The following SALL3 variants were observed in gnomAD, a reference collection of about 807,000 sequenced individuals.
SALL3 encodes spalt like transcription factor 3.
Under a neutral mutation model 66.2 loss-of-function variants are expected in SALL3, and 25 were observed. The observed-to-expected ratio is 0.38, with a 90% CI of 0.28 to 0.53. The LOEUF is 0.53. Among genes scored for constraint, SALL3 ranks in the 20% least tolerant of loss-of-function variants. The pLI, the probability that SALL3 is intolerant of heterozygous loss-of-function variation, is 0.85. For synonymous variants in SALL3, 1,152 were observed against 899.1 expected (o/e 1.28, Z -5.03); for missense variants, 2,194 against 1,916.5 (o/e 1.14, Z -2.70).
intron 1 of SALL3, among the ~76,000 whole-genome samples, chr18:78,989,610 A>G (rs1914358416): frequency 6.6e-6 from 1 of 152,240 alleles, no homozygotes; most frequent in Non-Finnish European, 1.5e-5. Context: ...TTAATAAGAT[A>G]CACACTTTGT....
intron 1 of SALL3, among the ~76,000 whole-genome samples, chr18:78,987,834 C>T (rs1223052846): frequency 6.6e-6 from 1 of 152,208 alleles, no homozygotes; most frequent in Admixed American, 6.5e-5. Flanking sequence ...TTTTTCTTAA[C>T]TTGTTCTAAT....
chr18:78,990,483 T>C (rs1361711172), intron 1 of SALL3, among the ~76,000 whole-genome samples: 1 of 152,020 alleles, frequency 6.6e-6, no homozygotes, highest in Non-Finnish European at 1.5e-5. Context: ...AATATTTTTC[T>C]TTTCAAGTAG....
In SALL3 at chr18:78,995,155, G is replaced by C; in HGVS notation, c.3164G>C (p.Ser1055Thr). 1 of 1,613,484 alleles carries C rather than the reference G, an allele frequency of 6.2e-7. No individual in the cohort carries two copies. Among genetic ancestry groups the C allele is most frequent in the Non-Finnish European group, 8.5e-7 (1 of 1,180,016 alleles). ...CAAAGCACTCCTAGCCTGATCTCCA[G>C]CGCCGCACCCACCATGATCAAAATG... is the stretch of plus-strand genomic sequence containing the variant. Reference protein sequence around the residue: ...PSQSTPSLISSAAPTMIKMEV... With the variant: ...PSQSTPSLISTAAPTMIKMEV... The change falls in exon 2 of 3, where the codon AGC becomes ACC. Residue 1055 changes from serine to threonine, a missense_variant. Transcript: ENST00000537592.
chr18:78,995,018 C>T lies in SALL3; in HGVS notation c.3027C>T (p.Leu1009=). The change falls in exon 2 of 3, where the codon CTC becomes CTT. Residue 1009 remains leucine, a synonymous_variant. Coordinates refer to ENST00000537592, the MANE Select transcript of SALL3 (RefSeq NM_171999.4). ...HTKERPFVCA[L]CRRGCSTMGN... is the part of the protein sequence containing the mutation. Reference sequence around the variant, plus strand: ...AGGAGCGGCCATTCGTCTGCGCGCTCTGCAGGCGAGGGTGCTCCACTATGG... The same window carrying T: ...AGGAGCGGCCATTCGTCTGCGCGCTTTGCAGGCGAGGGTGCTCCACTATGG... The T allele has an allele frequency of 9.9e-6, 16 of 1,613,922 alleles. No individual in the cohort carries two copies. The highest frequency in any genetic ancestry group is 1.4e-5 in the Non-Finnish European group (16 of 1,180,032).
chr18:78,993,773 T>C lies in SALL3; in HGVS notation c.1782T>C (p.Thr594=), dbSNP rs546910594. ...CGCTCCTCGGCGGGCCGCCCCTCAC[T>C]AAAGCCGAGCCCGTCAGCCTGCCCT... The part of the protein sequence containing the change: ...PQSLLGGPPL[T]KAEPVSLPCT... The change falls in exon 2 of 3, where the codon ACT becomes ACC. Residue 594 remains threonine, a synonymous_variant. Transcript: ENST00000537592. The C allele has an allele frequency of 5.0e-5, 77 of 1,549,112 alleles. 1 individual carries two copies. The South Asian group carries it at 9.0e-4, about 18-fold the overall frequency.
intron 1 of SALL3, among the ~76,000 whole-genome samples, chr18:78,987,844 T>A (rs1327738150): frequency 6.6e-6 from 1 of 152,232 alleles, no homozygotes; most frequent in Non-Finnish European, 1.5e-5. Flanking sequence ...CTTGTTCTAA[T>A]AAAATCCCAT....
chr18:78,993,519 A>G lies in SALL3; in HGVS notation c.1528A>G (p.Thr510Ala), dbSNP rs778551674. The change falls in exon 2 of 3, where the codon ACC becomes GCC. Residue 510 changes from threonine (T) to alanine (A), a missense_variant. Coordinates refer to ENST00000537592, the MANE Select transcript of SALL3 (RefSeq NM_171999.4). ...GMSLPPEKPV[T>A]TWLDSKPVLP... Reference sequence around the variant, plus strand: ...GTCGCTGCCCCCCGAGAAGCCCGTGACCACCTGGCTGGACAGCAAGCCCGT... The same window carrying G: ...GTCGCTGCCCCCCGAGAAGCCCGTGGCCACCTGGCTGGACAGCAAGCCCGT... 6.3e-7 allele frequency: 1 copy of G among 1,599,026 alleles called. No homozygotes were observed. The highest frequency in any genetic ancestry group is 8.5e-7 in the Non-Finnish European group (1 of 1,175,110).
chr18:78,983,129 T>TAA (rs34982273), intron 1 of SALL3, among the ~76,000 whole-genome samples: 11,707 of 149,436 alleles, frequency 0.078, 564 homozygotes, highest in African/African-American at 0.14. Context: ...ATGCTTTTGT[T>TAA]AAAAAAAAAA....
At position 78,998,755 on chromosome 18, in the gene SALL3, A is replaced by G. The variant is rs147980809; in HGVS notation, c.*1433A>G. The G allele has an allele frequency of 6.6e-6, 1 of 152,254 alleles. No individual in the cohort carries two copies. The highest frequency in any genetic ancestry group is 2.4e-5 in the African/African-American group (1 of 41,568). The allele number at this position is 152,254 out of a possible 1,614,324, so 9.4% of individuals were successfully genotyped here. On this transcript the variant is annotated 3_prime_UTR_variant, in exon 3 of 3. Coordinates refer to ENST00000537592, the MANE Select transcript of SALL3 (RefSeq NM_171999.4). Reference sequence around the variant, plus strand: ...GACTTTGAAATTTTCCGAGTTCCTGATTTATTTATTATCTTCTCAGATGAA... The same window carrying G: ...GACTTTGAAATTTTCCGAGTTCCTGGTTTATTTATTATCTTCTCAGATGAA...
chr18:78,986,567 T>G (rs1914252796), intron 1 of SALL3, among the ~76,000 whole-genome samples: 1 of 152,234 alleles, frequency 6.6e-6, no homozygotes, highest in Non-Finnish European at 1.5e-5. Context: ...TAAAAAGAAT[T>G]AATTTGCAAG....
rs1298474038 is a variant in SALL3 at position 78,995,001 on chromosome 18, C to T, written c.3010C>T (p.Pro1004Ser). The T allele has an allele frequency of 5.0e-6, 8 of 1,613,794 alleles. No individual in the cohort carries two copies. Among genetic ancestry groups the T allele is most frequent in the Non-Finnish European group, 6.8e-6 (8 of 1,180,032 alleles). Reference sequence around the variant, plus strand: ...CTACCGCAGCCATACTAAGGAGCGGCCATTCGTCTGCGCGCTCTGCAGGCG... The same window carrying T: ...CTACCGCAGCCATACTAAGGAGCGGTCATTCGTCTGCGCGCTCTGCAGGCG... ...IHYRSHTKER[P>S]FVCALCRRGC... Residue 1004 changes from proline to serine, a missense_variant, in exon 2 of 3, where the codon CCA becomes TCA. Transcript: ENST00000537592.
Position 78,993,785 on chromosome 18 carries a change from C to T in SALL3, c.1794C>T (p.Pro598=), listed in dbSNP as rs767981304. 10 of 1,550,750 alleles carry T rather than the reference C, an allele frequency of 6.4e-6. No individual in the cohort carries two copies. Among genetic ancestry groups the T allele is most frequent in the East Asian group, 2.4e-5 (1 of 41,918 alleles). ...GGCCGCCCCTCACTAAAGCCGAGCCCGTCAGCCTGCCCTGCACCAACGCCA... is the reference window on the plus strand; with the variant it reads ...GGCCGCCCCTCACTAAAGCCGAGCCTGTCAGCCTGCCCTGCACCAACGCCA... The part of the protein sequence containing the change: ...LGGPPLTKAE[P]VSLPCTNARA... Residue 598 remains proline, a synonymous_variant, in exon 2 of 3, where the codon CCC becomes CCT. Coordinates refer to ENST00000537592, the MANE Select transcript of SALL3 (RefSeq NM_171999.4).
Position 78,996,932 on chromosome 18 carries a change from A to G in SALL3, c.3513A>G (p.Arg1171=), listed in dbSNP as rs113791298. Reference sequence around the variant, plus strand: ...ACATGTGGAATAACGCCCCCGCGAGACGCGGCCGCCGCCTGTCTGTGGAGA... The same window carrying G: ...ACATGTGGAATAACGCCCCCGCGAGGCGCGGCCGCCGCCTGTCTGTGGAGA... The part of the protein sequence containing the change: ...GTHMWNNAPA[R]RGRRLSVENP... The change falls in exon 3 of 3, where the codon AGA becomes AGG. Residue 1171 remains arginine, a synonymous_variant. Transcript: ENST00000537592. 6.2e-7 allele frequency: 1 copy of G among 1,612,792 alleles called. No homozygotes were observed.
At position 78,980,252 on chromosome 18, in the gene SALL3, G is replaced by T; in HGVS notation, c.-23G>T. The stretch of plus-strand genomic sequence containing the variant: ...CCCCGCTGATGCCGCTGCCCCGCGC[G>T]GGGCCCGAGCGCCGCTAGCAGCATG... On this transcript the variant is annotated 5_prime_UTR_variant, in exon 1 of 3. Transcript: ENST00000537592. The T allele has an allele frequency of 8.2e-7, 1 of 1,215,070 alleles. No homozygotes were observed. The highest frequency in any genetic ancestry group is 1.9e-5 in the South Asian group (1 of 52,626). 75.3% of individuals were successfully genotyped at this position (1,215,070 alleles called of 1,614,324 possible).
At chr18:78,982,141 A>C (rs1486699860) in intron 1 of SALL3, among the ~76,000 whole-genome samples, 5 of 152,242 alleles carry the variant, frequency 3.3e-5, no homozygotes, top group African/African-American at 1.2e-4. Context: ...TTTTAATTTC[A>C]CTTCAGAAAT....
rs762913731 is a variant in SALL3 at position 78,994,416 on chromosome 18, G to A, written c.2425G>A (p.Ala809Thr). The A allele has an allele frequency of 6.8e-6, 11 of 1,612,660 alleles. No individual in the cohort carries two copies. Among genetic ancestry groups the A allele is most frequent in the Non-Finnish European group, 9.3e-6 (11 of 1,179,982 alleles). Reference protein sequence around the residue: ...DMDENSMEDDAELKDAATDPA... With the variant: ...DMDENSMEDDTELKDAATDPA... ...GGACGAGAACTCCATGGAGGACGAC[G>A]CTGAGCTGAAGGACGCGGCCACCGA... is the stretch of plus-strand genomic sequence containing the variant. Residue 809 changes from alanine to threonine, a missense_variant, in exon 2 of 3, where the codon GCT becomes ACT. Ala to Thr is a moderately conservative substitution (Grantham distance 58). Transcript: ENST00000537592.
Position 78,992,120 on chromosome 18 carries a change from C to T in SALL3, c.129C>T (p.Ser43=). The T allele has an allele frequency of 6.3e-7, 1 of 1,595,636 alleles. No individual in the cohort carries two copies. The highest frequency in any genetic ancestry group is 2.3e-5 in the East Asian group (1 of 43,858). Residue 43 remains serine, a synonymous_variant, in exon 2 of 3, where the codon AGC becomes AGT. Transcript: ENST00000537592. ...AGGACGCAGACAGCGGGCCCGAGAG[C>T]CGCAGCGGGGGCGAGGAGACCAGCG... ...GAEDADSGPE[S]RSGGEETSVC... is the part of the protein sequence containing the mutation.
At position 78,992,983 on chromosome 18, in the gene SALL3, G is replaced by T; in HGVS notation, c.992G>T (p.Ser331Ile). The change falls in exon 2 of 3, where the codon AGC (serine) becomes ATC (isoleucine). Residue 331 changes from serine (S) to isoleucine (I), a missense_variant. Physicochemically the swap from Ser to Ile is moderately radical, Grantham distance 142. Transcript: ENST00000537592. ...CCCGCCCCGGCGCCAGCGCCGCAGA[G>T]CGCAGCCTCGTCGCAGCCGCAGAGC... ...AAPAPAPAPQ[S>I]AASSQPQSAS... 7.0e-7 allele frequency: 1 copy of T among 1,433,390 alleles called. No homozygotes were observed. The highest frequency in any genetic ancestry group is 9.1e-7 in the Non-Finnish European group (1 of 1,102,322). The allele number at this position is 1,433,390 out of a possible 1,614,324, so 88.8% of individuals were successfully genotyped here. A position where few individuals can be genotyped will look rare whatever the true frequency, so the allele number is the denominator to read the frequency against.
At chr18:78,981,233 C>T (rs1380517972) in intron 1 of SALL3, among the ~76,000 whole-genome samples, 5 of 152,118 alleles carry the variant, frequency 3.3e-5, no homozygotes, top group Admixed American at 6.5e-5. Context: ...GGCGCCCCCA[C>T]CCCCTTCGTC....
Sources: gnomAD v4.1 joint callset for allele counts (sites outside exome capture counted in the v4.1 genomes callset) on GRCh38, gnomAD v4.1.1 for gene constraint, MANE v1.5 for transcripts, NCBI Gene and HGNC (gene_info 2026-07-23, HGNC 2026-07-21) for gene names.